The following GRM5 variants were observed in gnomAD, a reference collection of about 807,000 sequenced individuals.
GRM5 encodes metabotropic glutamate receptor 5.
A neutral mutation model predicts 83.1 loss-of-function variants in GRM5; 19 were observed. That is an observed-to-expected ratio of 0.23 (90% CI 0.16 to 0.34). The LOEUF (loss-of-function observed/expected upper bound fraction) is 0.34. GRM5 is among the 10% of genes least tolerant of loss of function. GRM5 has a pLI of 1.00. For missense variants in GRM5, 1,160 were observed against 1,588.3 expected, an observed-to-expected ratio of 0.73 and a Z score of 4.58; for synonymous variants, 675 against 633.6, an observed-to-expected ratio of 1.07 and a Z score of -0.98.
At chr11:88,605,970 T>C (rs909874262) in intron 4 of GRM5, among the ~76,000 whole-genome samples, 3 of 152,150 alleles carry the variant, frequency 2.0e-5, no homozygotes, top group Admixed American at 1.3e-4. Context: ...TTATAATGTG[T>C]TTTGATAAGT....
chr11:89,065,315 CA>C (rs1223183955), intron 1 of GRM5, among the ~76,000 whole-genome samples: 1 of 145,146 alleles, frequency 6.9e-6, no homozygotes, highest in African/African-American at 2.5e-5. Flanking sequence ...CACACACAGA[CA>C]GAGGGAGAGA....
At position 89,065,764 on chromosome 11, in the gene GRM5, C is replaced by G. The variant is rs1409815433; in HGVS notation, c.-201+12G>C. 1 of 152,404 alleles carries G rather than the reference C, an allele frequency of 6.6e-6. No individual in the cohort carries two copies. The highest frequency in any genetic ancestry group is 1.5e-5 in the Non-Finnish European group (1 of 68,088). 9.4% of individuals were successfully genotyped at this position (152,404 alleles called of 1,614,324 possible). On this transcript the variant is annotated intron_variant, in intron 1 of 9. Transcript: ENST00000305447. ...ACTATAGCCAAGAGAAAGAAAAAGG[C>G]GCTGTGCTTACCAGGTGCGCGCCCT...
intron 2 of GRM5, among the ~76,000 whole-genome samples, chr11:89,032,625 T>C (rs1941286593): frequency 6.6e-6 from 1 of 152,078 alleles, no homozygotes. Flanking sequence ...TACGCTAAAT[T>C]AATGATCACA....
At chr11:88,884,747 G>C (rs1020164236) in intron 2 of GRM5, among the ~76,000 whole-genome samples, 1 of 152,132 alleles carries the variant, frequency 6.6e-6, no homozygotes, top group Non-Finnish European at 1.5e-5. Context: ...AATCTTATGA[G>C]AGCTGATGGT....
chr11:88,740,727 A>T lies in GRM5; in HGVS notation c.912-87324T>A, dbSNP rs574871349. On this transcript the variant is annotated intron_variant, in intron 3 of 9. Transcript: ENST00000305447. ...CTCAGGAGTAGTTTTTCTCTCTCTC[A>T]TCATTAGCACATCTTCAACCAAAGC... Among the ~76,000 whole-genome samples the T allele has an allele frequency of 3.3e-5, 5 of 152,202 alleles. No individual in the cohort carries two copies. In the East Asian group the frequency reaches 7.7e-4, roughly 24 times the overall value.
At chr11:88,613,804 T>A (rs1179335482) in intron 4 of GRM5, among the ~76,000 whole-genome samples, 2 of 152,204 alleles carry the variant, frequency 1.3e-5, no homozygotes, top group Non-Finnish European at 2.9e-5. Flanking sequence ...GATATTAAAA[T>A]TAAGTTGCAC....
intron 3 of GRM5, among the ~76,000 whole-genome samples, chr11:88,737,649 CA>C (rs1941946613): frequency 6.6e-6 from 1 of 151,844 alleles, no homozygotes; most frequent in South Asian, 2.1e-4. Flanking sequence ...GAGTCTTGTA[CA>C]GAACATTTTG....
intron 3 of GRM5, among the ~76,000 whole-genome samples, chr11:88,747,706 A>G (rs79284403): frequency 6.5e-5 from 2 of 30,940 alleles, no homozygotes; most frequent in Non-Finnish European, 2.2e-4. Flanking sequence ...GCTATCCAGG[A>G]AAAAAAAAAA....
At chr11:89,062,730 A>G (rs981144090) in intron 1 of GRM5, among the ~76,000 whole-genome samples, 9 of 152,246 alleles carry the variant, frequency 5.9e-5, no homozygotes, top group East Asian at 1.9e-4. Flanking sequence ...TTCGAGTACC[A>G]GGTGAAAGAG....
At chr11:88,915,328 C>T (rs1433320268) in intron 2 of GRM5, among the ~76,000 whole-genome samples, 1 of 151,962 alleles carries the variant, frequency 6.6e-6, no homozygotes, top group Non-Finnish European at 1.5e-5. Flanking sequence ...ATGCAACCAT[C>T]TTTTGTTGTT....
chr11:89,023,022 TTTCA>T (rs947857622), intron 2 of GRM5, among the ~76,000 whole-genome samples: 37 of 152,290 alleles, frequency 2.4e-4, no homozygotes, highest in African/African-American at 8.4e-4. Flanking sequence ...CCCAGGTAAT[TTTCA>T]TGCACGTTTC....
chr11:88,819,073 C>A (rs1306997305), intron 3 of GRM5, among the ~76,000 whole-genome samples: 1 of 152,126 alleles, frequency 6.6e-6, no homozygotes, highest in Non-Finnish European at 1.5e-5. Flanking sequence ...ATTTCAAAAG[C>A]AACATTTTCA....
intron 2 of GRM5, among the ~76,000 whole-genome samples, chr11:89,014,941 G>C (rs2135097671): frequency 6.6e-6 from 1 of 152,294 alleles, no homozygotes; most frequent in South Asian, 2.1e-4. Flanking sequence ...GTTCAAGTGA[G>C]CTGCACTCAT....
intron 2 of GRM5, among the ~76,000 whole-genome samples, chr11:89,008,630 G>T (rs551633833): frequency 6.6e-6 from 1 of 152,058 alleles, no homozygotes; most frequent in Non-Finnish European, 1.5e-5. Context: ...TGGTTTCATC[G>T]TAAGGTTAAG....
chr11:88,776,862 G>T (rs1183171714), intron 3 of GRM5, among the ~76,000 whole-genome samples: 1 of 152,136 alleles, frequency 6.6e-6, no homozygotes, highest in African/African-American at 2.4e-5. Flanking sequence ...CTCTCTGTCT[G>T]CCCTTAACAC....
At chr11:88,919,368 G>A (rs2135625235) in intron 2 of GRM5, among the ~76,000 whole-genome samples, 1 of 149,452 alleles carries the variant, frequency 6.7e-6, no homozygotes, top group East Asian at 2.0e-4. Flanking sequence ...AAATATATAT[G>A]CGCCTAACAC....
At chr11:88,907,523 C>T (rs1049021189) in intron 2 of GRM5, among the ~76,000 whole-genome samples, 3 of 152,310 alleles carry the variant, frequency 2.0e-5, no homozygotes, top group Middle Eastern at 3.4e-3. Context: ...TCTATCTTCT[C>T]ACTAAATATT....
intron 2 of GRM5, among the ~76,000 whole-genome samples, chr11:89,034,577 G>C (rs1365427615): frequency 6.6e-6 from 1 of 151,766 alleles, no homozygotes; most frequent in Non-Finnish European, 1.5e-5. Flanking sequence ...TTTTTTCACA[G>C]TATCTACCAC....
At chr11:88,835,231 A>T (rs997157684) in intron 3 of GRM5, among the ~76,000 whole-genome samples, 5 of 152,186 alleles carry the variant, frequency 3.3e-5, no homozygotes, top group African/African-American at 1.2e-4. Context: ...TGATACATAA[A>T]CCTGAGTATA....
Sources: allele counts gnomAD v4.1 joint callset (sites outside exome capture counted in the v4.1 genomes callset), GRCh38; gene constraint gnomAD v4.1.1; transcripts MANE v1.5; gene names NCBI Gene and HGNC (gene_info 2026-07-23, HGNC 2026-07-21).